The following CYRIB variants were observed in gnomAD, a reference collection of about 807,000 sequenced individuals.
CYRIB encodes CYFIP-related Rac1 interactor B.
Under a neutral mutation model 44.2 loss-of-function variants are expected in CYRIB, and 8 were observed. That is an observed-to-expected ratio of 0.18 (90% CI 0.11 to 0.33). CYRIB has a LOEUF of 0.33. Ranked by LOEUF, CYRIB falls within the 10% of genes least tolerant of loss-of-function variation. CYRIB has a pLI of 1.00. For synonymous variants in CYRIB, 131 were observed against 127.2 expected (o/e 1.03, Z -0.20); for missense variants, 185 against 382.8 (o/e 0.48, Z 4.31).
chr8:129,999,131 G>C (rs949867353), intron 1 of CYRIB, among the ~76,000 whole-genome samples: 3 of 152,128 alleles, frequency 2.0e-5, no homozygotes, highest in East Asian at 3.9e-4. Flanking sequence ...AATAACGTGG[G>C]GGGGGTGGGA....
At chr8:129,935,739 T>C (rs760622711) in intron 1 of CYRIB, among the ~76,000 whole-genome samples, 1 of 152,204 alleles carries the variant, frequency 6.6e-6, no homozygotes, top group Non-Finnish European at 1.5e-5. Flanking sequence ...CTTCACAGTG[T>C]CACATACAAT....
At chr8:129,861,291 A>AAGGG (rs2049383315) in intron 5 of CYRIB, among the ~76,000 whole-genome samples, 1 of 152,076 alleles carries the variant, frequency 6.6e-6, no homozygotes, top group Non-Finnish European at 1.5e-5. Flanking sequence ...TCCTCCAATA[A>AAGGG]AGGGAGTTCC....
At chr8:129,850,571 TGAG>T (rs896340986) in intron 9 of CYRIB, 1 of 442,252 alleles carries the variant, frequency 2.3e-6, no homozygotes, top group African/African-American at 2.1e-5. Flanking sequence ...ACTTCTGTTC[TGAG>T]AAGAGAACTA....
At chr8:129,840,040 G>T in exon 12 of CYRIB, 1 of 154,108 alleles carries the variant, frequency 6.5e-6, no homozygotes. Context: ...GGCTCTCATA[G>T]TATCAGAAAA....
intron 2 of CYRIB, among the ~76,000 whole-genome samples, chr8:129,897,402 A>T (rs1036979932): frequency 1.3e-5 from 2 of 152,062 alleles, no homozygotes; most frequent in Non-Finnish European, 2.9e-5. Context: ...ATTTGTTAAC[A>T]TCTCCTCCTT....
intron 1 of CYRIB, among the ~76,000 whole-genome samples, chr8:129,910,499 TTTTTTA>T (rs1304925412): frequency 7.0e-6 from 1 of 143,832 alleles, no homozygotes; most frequent in Non-Finnish European, 1.5e-5. Context: ...TTTTTTTTTT[TTTTTTA>T]AAGAGACAAG....
rs145062944 is a variant in CYRIB at position 129,995,439 on chromosome 8, T to C, written c.-296+20931A>G. Among the ~76,000 whole-genome samples, 590 of 152,368 alleles carry C rather than the reference T, an allele frequency of 3.9e-3. 1 individual carries two copies. The highest frequency in any genetic ancestry group is 0.014 in the African/African-American group (569 of 41,586). ...CAGAAACATCCCTCTTCCCCTACCC[T>C]AGAAGCCATTCAGCATCAGTTACAT... On this transcript the variant is annotated intron_variant, in intron 1 of 14. Transcript: ENST00000401979.
chr8:129,869,602 GTTTGA>G (rs1193843186), intron 4 of CYRIB, among the ~76,000 whole-genome samples: 3 of 152,016 alleles, frequency 2.0e-5, no homozygotes, highest in Non-Finnish European at 2.9e-5. Flanking sequence ...TTCCACAAAT[GTTTGA>G]TTTTTCAAAA....
At position 129,865,301 on chromosome 8, in the gene CYRIB, A is replaced by C. The variant is rs547104592; in HGVS notation, c.196-2967T>G. Among the ~76,000 whole-genome samples the C allele has an allele frequency of 2.6e-4, 40 of 152,344 alleles. No homozygotes were observed. In the South Asian group the frequency reaches 8.1e-3, roughly 31 times the overall value. Reference sequence around the variant, plus strand: ...AAATAAATTCTTTAACTAGCTCTGCAGATTTGTCTGGTGCATGTGATTAAT... The same window carrying C: ...AAATAAATTCTTTAACTAGCTCTGCCGATTTGTCTGGTGCATGTGATTAAT... On this transcript the variant is annotated intron_variant, in intron 4 of 11. Coordinates refer to ENST00000519824, the Ensembl canonical transcript of CYRIB.
chr8:129,963,021 G>A (rs545444223), intron 2 of CYRIB, among the ~76,000 whole-genome samples: 1 of 152,250 alleles, frequency 6.6e-6, no homozygotes, highest in East Asian at 1.9e-4. Context: ...GATTGGTTCA[G>A]GGCTGTGCAT....
intron 2 of CYRIB, among the ~76,000 whole-genome samples, chr8:129,965,733 T>C (rs2095451760): frequency 1.3e-5 from 2 of 151,644 alleles, no homozygotes; most frequent in Non-Finnish European, 2.9e-5. Context: ...GAGGCAGAGC[T>C]TGCAGTGAGC....
chr8:129,941,273 ATTT>A (rs11418510), upstream of CYRIB, among the ~76,000 whole-genome samples: 4 of 125,852 alleles, frequency 3.2e-5, no homozygotes, highest in African/African-American at 3.1e-5. Context: ...ACTGAAGGAG[ATTT>A]TTTTTTTTTT....
intron 2 of CYRIB, among the ~76,000 whole-genome samples, chr8:129,966,322 T>C (rs1490372483): frequency 2.6e-5 from 4 of 152,164 alleles, no homozygotes; most frequent in Non-Finnish European, 5.9e-5. Flanking sequence ...GATCAGAGGG[T>C]ATGTGCACTC....
rs1465463804 is a variant in CYRIB, at chr8:129,867,210, AC to A, written c.195+4164del. Reference sequence around the variant, plus strand: ...GCAATCTCAGCTCACTGTAACCTCCACCACCCAGGTACAAGTGATTCTCTTG... The same window carrying A: ...GCAATCTCAGCTCACTGTAACCTCCACACCCAGGTACAAGTGATTCTCTTG... On this transcript the variant is annotated intron_variant, in intron 4 of 11. Coordinates refer to ENST00000519824, the Ensembl canonical transcript of CYRIB. Among the ~76,000 whole-genome samples, 262 of 151,344 alleles carry A rather than the reference AC, an allele frequency of 1.7e-3. 1 individual carries two copies. Among genetic ancestry groups the A allele is most frequent in the Non-Finnish European group, 3.1e-3 (211 of 67,942 alleles).
intron 1 of CYRIB, among the ~76,000 whole-genome samples, chr8:129,924,136 G>A (rs1490028857): frequency 2.7e-5 from 4 of 149,962 alleles, no homozygotes; most frequent in Admixed American, 6.7e-5. Flanking sequence ...AATTAGCCAG[G>A]TGTGGTTGTA....
At chr8:129,961,579 G>C (rs759261414) in intron 2 of CYRIB, among the ~76,000 whole-genome samples, 1 of 152,222 alleles carries the variant, frequency 6.6e-6, no homozygotes, top group African/African-American at 2.4e-5. Context: ...CCGTTTAGAA[G>C]TAATATGGAA....
intron 1 of CYRIB, among the ~76,000 whole-genome samples, chr8:130,006,062 G>A (rs537282727): frequency 1.4e-4 from 21 of 152,172 alleles, no homozygotes; most frequent in Admixed American, 8.5e-4. Context: ...CAGCACTTTG[G>A]GAGGCCAAGG....
chr8:129,847,402 TG>T (rs1167547845), intron 10 of CYRIB: 1 of 152,242 alleles, frequency 6.6e-6, no homozygotes, highest in African/African-American at 2.4e-5. Context: ...AGGCAGAGCT[TG>T]CAGTGAGCCG....
intron 4 of CYRIB, among the ~76,000 whole-genome samples, chr8:129,870,062 G>T (rs1564392798): frequency 6.6e-6 from 1 of 152,142 alleles, no homozygotes; most frequent in Non-Finnish European, 1.5e-5. Flanking sequence ...TCAACAAACA[G>T]AATTCACACC....
Sources: allele counts gnomAD v4.1 joint callset (sites outside exome capture counted in the v4.1 genomes callset), GRCh38; gene constraint gnomAD v4.1.1; transcripts MANE v1.5; gene names NCBI Gene and HGNC (gene_info 2026-07-23, HGNC 2026-07-21).